The following BACH2 variants were observed in gnomAD, a reference collection of about 807,000 sequenced individuals.
The protein encoded by BACH2 is transcription regulator protein BACH2.
In BACH2, 5 loss-of-function variants were observed where a neutral mutation model predicts 61.8. The ratio of observed to expected loss-of-function variants is 0.08; its 90% CI spans 0.04 to 0.17. The LOEUF (loss-of-function observed/expected upper bound fraction) is 0.17, where lower values mean the gene tolerates loss of function less well. BACH2 is among the 10% of genes least tolerant of loss of function. BACH2 has a pLI of 1.00. For missense variants in BACH2, 824 were observed against 1,091.1 expected (o/e 0.76, Z 3.45); for synonymous variants, 446 against 440.1 (o/e 1.01, Z -0.17).
intron 6 of BACH2, among the ~76,000 whole-genome samples, chr6:89,961,573 A>G (rs1019940175): frequency 6.6e-6 from 1 of 152,188 alleles, no homozygotes; most frequent in South Asian, 2.1e-4. Context: ...TTTCAAACCA[A>G]CTATGAACCA....
intron 4 of BACH2, among the ~76,000 whole-genome samples, chr6:90,139,523 C>T (rs566322291): frequency 2.9e-4 from 44 of 152,322 alleles, no homozygotes; most frequent in African/African-American, 8.7e-4. Flanking sequence ...TAGGTTGCCA[C>T]GCCCCACTTA....
intron 2 of BACH2, among the ~76,000 whole-genome samples, chr6:90,253,659 C>T (rs1031729021): frequency 6.6e-6 from 1 of 152,102 alleles, no homozygotes; most frequent in Non-Finnish European, 1.5e-5. Context: ...TTTTCTCCAA[C>T]CAAGCTAGTG....
In BACH2 at chr6:89,927,735, A is replaced by G. The variant is rs1423209368; in HGVS notation, c.*4673T>C. ...CTGATATTCATTTGATAGAAATATC[A>G]TCTCCCAGGGTGGAGTGTAGGAAAA... On this transcript the variant is annotated 3_prime_UTR_variant, in exon 9 of 9. Coordinates refer to ENST00000257749, the MANE Select transcript of BACH2 (RefSeq NM_021813.4). 2 of 152,832 alleles carry G rather than the reference A, an allele frequency of 1.3e-5. No individual in the cohort carries two copies. The highest frequency in any genetic ancestry group is 3.7e-4 in the East Asian group (2 of 5,342). 9.5% of individuals were successfully genotyped at this position (152,832 alleles called of 1,614,324 possible).
intron 4 of BACH2, among the ~76,000 whole-genome samples, chr6:90,091,750 T>A (rs1782168789): frequency 6.6e-6 from 1 of 152,128 alleles, no homozygotes; most frequent in Admixed American, 6.6e-5. Context: ...GTGCAAAAAA[T>A]TTCAATCCTA....
At chr6:90,210,445 AC>A (rs1374695043) in intron 3 of BACH2, among the ~76,000 whole-genome samples, 4 of 152,098 alleles carry the variant, frequency 2.6e-5, no homozygotes, top group African/African-American at 9.7e-5. Context: ...CTGGACAGCA[AC>A]CAAAAAGACT....
chr6:90,272,201 T>C (rs931694135), intron 1 of BACH2, among the ~76,000 whole-genome samples: 1 of 152,132 alleles, frequency 6.6e-6, no homozygotes, highest in Non-Finnish European at 1.5e-5. Flanking sequence ...TCAAATCTTA[T>C]GTCCCCCTTT....
intron 5 of BACH2, among the ~76,000 whole-genome samples, chr6:90,040,165 T>C (rs2127790857): frequency 6.6e-6 from 1 of 152,266 alleles, no homozygotes; most frequent in East Asian, 1.9e-4. Context: ...TCCCAACTTA[T>C]AAACAATTTT....
At chr6:90,051,096 C>T (rs1780024537) in intron 5 of BACH2, among the ~76,000 whole-genome samples, 1 of 151,970 alleles carries the variant, frequency 6.6e-6, no homozygotes, top group South Asian at 2.1e-4. Flanking sequence ...GATTCTGAAA[C>T]CAAAATTTTG....
At chr6:90,025,558 T>A (rs986960776) in intron 5 of BACH2, among the ~76,000 whole-genome samples, 1 of 152,188 alleles carries the variant, frequency 6.6e-6, no homozygotes, top group Non-Finnish European at 1.5e-5. Context: ...GCATTTCTCT[T>A]TATCAGGGCA....
intron 4 of BACH2, among the ~76,000 whole-genome samples, chr6:90,153,997 T>C (rs1222236706): frequency 6.6e-6 from 1 of 152,240 alleles, no homozygotes; most frequent in Admixed American, 6.5e-5. Flanking sequence ...ATTATGGTCA[T>C]TGGAGCCTAA....
intron 1 of BACH2, among the ~76,000 whole-genome samples, chr6:90,286,768 A>G (rs191062767): frequency 3.6e-4 from 55 of 152,250 alleles, no homozygotes; most frequent in Non-Finnish European, 5.9e-4. Context: ...GGCATAAAGT[A>G]TTGTTAGAAA....
intron 5 of BACH2, among the ~76,000 whole-genome samples, chr6:90,057,876 C>T (rs577684111): frequency 2.0e-5 from 3 of 151,448 alleles, no homozygotes; most frequent in Non-Finnish European, 3.0e-5. Flanking sequence ...ACAAAAATCA[C>T]GATTATCTCA....
At chr6:90,176,881 CCATATCCACCCAG>C (rs1387584556) in intron 4 of BACH2, among the ~76,000 whole-genome samples, 1 of 152,088 alleles carries the variant, frequency 6.6e-6, no homozygotes, top group African/African-American at 2.4e-5. Context: ...CAGGATTGAC[CCATATCCACCCAG>C]AGTAGCCTCC....
At chr6:90,014,493 T>TTTTTTTA (rs1283883027) in intron 5 of BACH2, among the ~76,000 whole-genome samples, 1 of 121,450 alleles carries the variant, frequency 8.2e-6, no homozygotes, top group Non-Finnish European at 1.7e-5. Flanking sequence ...TTTTTTTTTT[T>TTTTTTTA]AGACAGATTC....
chr6:90,086,500 A>G (rs763404355), intron 5 of BACH2, among the ~76,000 whole-genome samples: 11 of 152,156 alleles, frequency 7.2e-5, no homozygotes, highest in Non-Finnish European at 1.5e-4. Context: ...AAAGTACAGA[A>G]GTTTCCCACA....
intron 4 of BACH2, among the ~76,000 whole-genome samples, chr6:90,092,483 T>G (rs1188784032): frequency 6.6e-6 from 1 of 151,914 alleles, no homozygotes; most frequent in African/African-American, 2.4e-5. Flanking sequence ...AGATACAGAC[T>G]TTCCCACTCA....
chr6:90,072,433 T>C (rs1286513249), intron 5 of BACH2, among the ~76,000 whole-genome samples: 1 of 152,224 alleles, frequency 6.6e-6, no homozygotes, highest in Non-Finnish European at 1.5e-5. Flanking sequence ...GCCAGCAGTG[T>C]TGAAATGAGA....
chr6:90,151,467 T>C (rs531416284), intron 4 of BACH2, among the ~76,000 whole-genome samples: 2 of 152,278 alleles, frequency 1.3e-5, no homozygotes, highest in East Asian at 1.9e-4. Context: ...AACTAAATTT[T>C]TTTTGTAGAC....
chr6:89,947,026 CG>C (rs2128355837), intron 7 of BACH2, among the ~76,000 whole-genome samples: 1 of 152,262 alleles, frequency 6.6e-6, no homozygotes, highest in Non-Finnish European at 1.5e-5. Flanking sequence ...TTTGGTCTAA[CG>C]TTTTGGCTCC....
Sources: allele counts gnomAD v4.1 joint callset (sites outside exome capture counted in the v4.1 genomes callset), GRCh38; gene constraint gnomAD v4.1.1; transcripts MANE v1.5; gene names NCBI Gene and HGNC (gene_info 2026-07-23, HGNC 2026-07-21).